Variants in ADGRL2 observed in about 807,000 individuals in gnomAD.
The protein encoded by ADGRL2 is adhesion G protein-coupled receptor L2.
Under a neutral mutation model 157.4 loss-of-function variants are expected in ADGRL2, and 44 were observed. The observed-to-expected ratio is 0.28, with a 90% CI of 0.22 to 0.36. The LOEUF is 0.36. Among genes scored for constraint, ADGRL2 ranks in the 10% least tolerant of loss-of-function variants. The pLI is 1.00. For missense variants in ADGRL2, 1,510 were observed against 1,768.9 expected (o/e 0.85, Z 2.63); for synonymous variants, 585 against 624.7 (o/e 0.94, Z 0.95).
intron 3 of ADGRL2, among the ~76,000 whole-genome samples, chr1:81,932,703 C>T (rs1412802374): frequency 6.6e-6 from 1 of 150,816 alleles, no homozygotes; most frequent in African/African-American, 2.4e-5. Flanking sequence ...TCTTTTCTTT[C>T]TTTTTTTTTG....
At chr1:81,754,266 T>A (rs1189349848) in intron 1 of ADGRL2, among the ~76,000 whole-genome samples, 1 of 150,284 alleles carries the variant, frequency 6.7e-6, no homozygotes, top group Non-Finnish European at 1.5e-5. Flanking sequence ...TGTAGTAGGT[T>A]CAAAATCCAA....
intron 1 of ADGRL2, among the ~76,000 whole-genome samples, chr1:81,735,724 A>G (rs1273124361): frequency 6.6e-6 from 1 of 151,534 alleles, no homozygotes; most frequent in Non-Finnish European, 1.5e-5. Context: ...CAGGAGGTAG[A>G]GGTTTCAATG....
intron 2 of ADGRL2, among the ~76,000 whole-genome samples, chr1:81,562,110 A>G (rs906889468): frequency 9.9e-5 from 15 of 152,212 alleles, no homozygotes; most frequent in African/African-American, 3.1e-4. Context: ...TCATCAATAC[A>G]TAGTTCTGGT....
intron 1 of ADGRL2, among the ~76,000 whole-genome samples, chr1:81,728,481 C>T (rs1034300825): frequency 2.0e-5 from 3 of 152,194 alleles, no homozygotes; most frequent in Non-Finnish European, 2.9e-5. Flanking sequence ...ATGACCCTGC[C>T]TAATATTTAG....
chr1:81,320,651 A>G (rs1379453660), intron 1 of ADGRL2, among the ~76,000 whole-genome samples: 1 of 152,226 alleles, frequency 6.6e-6, no homozygotes, highest in African/African-American at 2.4e-5. Context: ...ATATTTTGTA[A>G]GAAAGCTTCT....
chr1:81,849,743 G>T (rs2092930875), intron 2 of ADGRL2, among the ~76,000 whole-genome samples: 1 of 151,914 alleles, frequency 6.6e-6, no homozygotes, highest in South Asian at 2.1e-4. Context: ...TGGTAAAGGA[G>T]TAAGACTTTA....
At chr1:81,673,328 C>T (rs1428504527) in intron 3 of ADGRL2, among the ~76,000 whole-genome samples, 1 of 151,906 alleles carries the variant, frequency 6.6e-6, no homozygotes, top group Non-Finnish European at 1.5e-5. Context: ...TTTTTCAAGG[C>T]CCAACAAAAT....
At chr1:81,881,685 C>T (rs1212659371) in intron 2 of ADGRL2, among the ~76,000 whole-genome samples, 2 of 148,644 alleles carry the variant, frequency 1.3e-5, no homozygotes, top group African/African-American at 5.0e-5. Flanking sequence ...TTAGTCTTTA[C>T]TCTGAGTTCC....
intron 1 of ADGRL2, among the ~76,000 whole-genome samples, chr1:81,340,845 T>C (rs1662017986): frequency 6.6e-6 from 1 of 151,920 alleles, no homozygotes; most frequent in South Asian, 2.1e-4. Context: ...GCCCAATAAA[T>C]TCAAGTCACT....
intron 1 of ADGRL2, among the ~76,000 whole-genome samples, chr1:81,358,326 G>A (rs1037075335): frequency 2.6e-5 from 4 of 152,216 alleles, no homozygotes; most frequent in African/African-American, 9.6e-5. Flanking sequence ...TGGTGACCTC[G>A]GCTCTCTTGG....
intron 3 of ADGRL2, among the ~76,000 whole-genome samples, chr1:81,607,461 G>C (rs1421204386): frequency 1.3e-5 from 2 of 152,114 alleles, no homozygotes; most frequent in Non-Finnish European, 2.9e-5. Flanking sequence ...ACCTAGACAA[G>C]GCCAGTGATT....
chr1:81,423,227 C>T (rs552590716), intron 1 of ADGRL2, among the ~76,000 whole-genome samples: 49 of 152,186 alleles, frequency 3.2e-4, no homozygotes, highest in Middle Eastern at 3.4e-3. Context: ...TAAACTTAAC[C>T]CTATGGGATA....
chr1:81,400,092 T>C (rs2076725152), intron 1 of ADGRL2, among the ~76,000 whole-genome samples: 2 of 152,074 alleles, frequency 1.3e-5, no homozygotes, highest in African/African-American at 4.8e-5. Context: ...GCTATAGAAG[T>C]CTGTGGCAGT....
intron 2 of ADGRL2, among the ~76,000 whole-genome samples, chr1:81,884,136 C>G (rs1045925395): frequency 6.6e-6 from 1 of 151,994 alleles, no homozygotes; most frequent in African/African-American, 2.4e-5. Flanking sequence ...TAGGCATGTG[C>G]GACAACTCCC....
intron 2 of ADGRL2, among the ~76,000 whole-genome samples, chr1:81,882,709 A>G (rs1350778735): frequency 6.6e-6 from 1 of 152,230 alleles, no homozygotes; most frequent in Non-Finnish European, 1.5e-5. Context: ...TGCATCTAGA[A>G]TTCAACAGAA....
At chr1:81,363,716 T>C (rs534145888) in intron 1 of ADGRL2, among the ~76,000 whole-genome samples, 6 of 152,250 alleles carry the variant, frequency 3.9e-5, no homozygotes, top group South Asian at 4.1e-4. Flanking sequence ...TTTTGTTGAT[T>C]TTTTTTCCTA....
chr1:81,981,780 G>A (rs1661746078), intron 18 of ADGRL2, 28 bp from the exon 19 acceptor site: 1 of 1,591,874 alleles, frequency 6.3e-7, no homozygotes, highest in Admixed American at 1.8e-5. Flanking sequence ...CATTGAACCT[G>A]TTAAAAAAGT....
intron 1 of ADGRL2, among the ~76,000 whole-genome samples, chr1:81,747,553 C>T (rs542947901): frequency 1.4e-3 from 219 of 152,152 alleles, no homozygotes; most frequent in Admixed American, 2.7e-3. Context: ...CCACCAGCCT[C>T]GGCCTCCCAA....
chr1:81,647,351 C>G (rs1432865870), intron 3 of ADGRL2, among the ~76,000 whole-genome samples: 1 of 152,124 alleles, frequency 6.6e-6, no homozygotes, highest in Non-Finnish European at 1.5e-5. Context: ...ACAGATTGAG[C>G]ATCCCTAATC....
Sources: allele counts gnomAD v4.1 joint callset (sites outside exome capture counted in the v4.1 genomes callset), GRCh38; gene constraint gnomAD v4.1.1; transcripts MANE v1.5; gene names NCBI Gene and HGNC (gene_info 2026-07-23, HGNC 2026-07-21).